The following SLC35F3 variants were observed in gnomAD, a reference collection of about 807,000 sequenced individuals.
The protein encoded by SLC35F3 is putative thiamine transporter SLC35F3.
A neutral mutation model predicts 49.9 loss-of-function variants in SLC35F3; 25 were observed. The ratio of observed to expected loss-of-function variants is 0.50; its 90% confidence interval spans 0.37 to 0.70. The LOEUF (loss-of-function observed/expected upper bound fraction) is 0.70. Among genes scored for constraint, SLC35F3 ranks in the 30% least tolerant of loss-of-function variants. The pLI is 0.00. For synonymous variants in SLC35F3, 275 were observed against 265.4 expected, an observed-to-expected ratio of 1.04 and a Z score of -0.35; for missense variants, 525 against 639.8, an observed-to-expected ratio of 0.82 and a Z score of 1.94.
At chr1:234,262,719 CAGAATGCG>C (rs1667924207) in intron 3 of SLC35F3, among the ~76,000 whole-genome samples, 1 of 152,218 alleles carries the variant, frequency 6.6e-6, no homozygotes, top group East Asian at 1.9e-4. Context: ...GGCACTGGTA[CAGAATGCG>C]GTTCCGGTTG....
At chr1:234,073,234 C>G (rs2102868785) in intron 2 of SLC35F3, among the ~76,000 whole-genome samples, 1 of 152,290 alleles carries the variant, frequency 6.6e-6, no homozygotes, top group South Asian at 2.1e-4. Flanking sequence ...GCCTTGAACT[C>G]CTGGGCTCAA....
chr1:234,312,156 C>T (rs904238443), intron 4 of SLC35F3, among the ~76,000 whole-genome samples: 2 of 152,158 alleles, frequency 1.3e-5, no homozygotes, highest in African/African-American at 2.4e-5. Flanking sequence ...GAACCCTGGG[C>T]GCACACTGCC....
At chr1:234,085,948 T>A (rs1399234314) in intron 2 of SLC35F3, among the ~76,000 whole-genome samples, 1 of 152,234 alleles carries the variant, frequency 6.6e-6, no homozygotes, top group African/African-American at 2.4e-5. Flanking sequence ...TTGAACTATA[T>A]ACCCTGTCTT....
chr1:233,951,955 A>G (rs1024692683), intron 2 of SLC35F3, among the ~76,000 whole-genome samples: 32 of 151,642 alleles, frequency 2.1e-4, no homozygotes, highest in Non-Finnish European at 2.6e-4. Flanking sequence ...GATTTCAATT[A>G]TATATATGTT....
intron 2 of SLC35F3, among the ~76,000 whole-genome samples, chr1:234,033,251 T>C (rs949890715): frequency 6.6e-6 from 1 of 152,236 alleles, no homozygotes; most frequent in Non-Finnish European, 1.5e-5. Context: ...AGATTCTGGA[T>C]ATTAGTCCTT....
At chr1:234,272,141 C>T (rs1274987365) in intron 3 of SLC35F3, among the ~76,000 whole-genome samples, 1 of 152,020 alleles carries the variant, frequency 6.6e-6, no homozygotes, top group Non-Finnish European at 1.5e-5. Context: ...AAGAAAGAAA[C>T]AAATGTGTGA....
Position 233,999,766 on chromosome 1 carries a change from G to A in SLC35F3, c.283+94008G>A, listed in dbSNP as rs563532360. Among the ~76,000 whole-genome samples the A allele has an allele frequency of 2.6e-5, 4 of 152,216 alleles. No individual in the cohort carries two copies. In the East Asian group the frequency reaches 7.7e-4, roughly 29 times the overall value. On this transcript the variant is annotated intron_variant, in intron 2 of 7. Transcript: ENST00000366618. The stretch of plus-strand genomic sequence containing the variant: ...TATTTTCTGTTTGTGCTACCTTACA[G>A]TGTATTTATTTGCATTAATTTCCTT...
intron 2 of SLC35F3, among the ~76,000 whole-genome samples, chr1:233,929,838 G>C (rs1417596652): frequency 2.6e-5 from 4 of 152,148 alleles, no homozygotes; most frequent in Non-Finnish European, 4.4e-5. Flanking sequence ...ACAGGGATTA[G>C]AATAAGTTTC....
chr1:234,080,669 C>G (rs1009318223), intron 2 of SLC35F3, among the ~76,000 whole-genome samples: 1 of 152,106 alleles, frequency 6.6e-6, no homozygotes, highest in African/African-American at 2.4e-5. Flanking sequence ...CACAAAACTA[C>G]AAAATGTACG....
chr1:234,201,008 T>G (rs1203899101), intron 2 of SLC35F3, among the ~76,000 whole-genome samples: 2 of 152,208 alleles, frequency 1.3e-5, no homozygotes, highest in African/African-American at 2.4e-5. Flanking sequence ...CCTCAGAAAG[T>G]CTATGCTCTT....
chr1:234,302,761 T>TTC (rs751342941), intron 3 of SLC35F3, among the ~76,000 whole-genome samples: 9 of 151,830 alleles, frequency 5.9e-5, no homozygotes, highest in African/African-American at 2.2e-4. Context: ...ATTGCAGGGC[T>TTC]TCTCTCTCTC....
At chr1:234,302,725 C>A (rs1038567000) in intron 3 of SLC35F3, among the ~76,000 whole-genome samples, 1 of 152,092 alleles carries the variant, frequency 6.6e-6, no homozygotes, top group Non-Finnish European at 1.5e-5. Context: ...TTTCGTCTGT[C>A]TGGGCTGTGG....
chr1:234,201,052 A>G (rs763444565), intron 2 of SLC35F3, among the ~76,000 whole-genome samples: 2 of 152,204 alleles, frequency 1.3e-5, no homozygotes, highest in Non-Finnish European at 2.9e-5. Context: ...GCAGGAGCAC[A>G]GTATATCATC....
At chr1:234,140,002 A>AATAAAAAAATAAAAAAAT in intron 2 of SLC35F3, among the ~76,000 whole-genome samples, 12 of 105,362 alleles carry the variant, frequency 1.1e-4, no homozygotes, top group Middle Eastern at 5.2e-3. Flanking sequence ...AATAAAATAA[A>AATAAAAAAATAAAAAAAT]GTAAGTGACT....
intron 3 of SLC35F3, among the ~76,000 whole-genome samples, chr1:234,286,626 G>A (rs1156377890): frequency 1.3e-5 from 2 of 152,234 alleles, no homozygotes; most frequent in East Asian, 3.8e-4. Context: ...AGACACAGGT[G>A]AGAGTCCATG....
At chr1:234,301,793 T>C (rs1668696701) in intron 3 of SLC35F3, among the ~76,000 whole-genome samples, 1 of 152,182 alleles carries the variant, frequency 6.6e-6, no homozygotes, top group Non-Finnish European at 1.5e-5. Flanking sequence ...CCAACCCAAA[T>C]GCCCATCAAT....
intron 3 of SLC35F3, among the ~76,000 whole-genome samples, chr1:234,280,026 A>G (rs1030841938): frequency 1.3e-5 from 2 of 152,208 alleles, no homozygotes; most frequent in East Asian, 1.9e-4. Context: ...TAAGTGACTC[A>G]TGGTTCAACT....
chr1:234,053,081 G>C (rs909122230), intron 2 of SLC35F3, among the ~76,000 whole-genome samples: 6 of 152,228 alleles, frequency 3.9e-5, no homozygotes, highest in African/African-American at 1.4e-4. Context: ...TATGGAATAA[G>C]TGTGATGTGG....
intron 2 of SLC35F3, among the ~76,000 whole-genome samples, chr1:234,171,409 G>A (rs73108452): frequency 0.11 from 17,391 of 152,152 alleles, 3,175 homozygotes; most frequent in African/African-American, 0.39. Context: ...CACAGTGGGG[G>A]CGATGTGATC....
Sources: gnomAD v4.1 joint callset for allele counts (sites outside exome capture counted in the v4.1 genomes callset) on GRCh38, gnomAD v4.1.1 for gene constraint, MANE v1.5 for transcripts, NCBI Gene and HGNC (gene_info 2026-07-23, HGNC 2026-07-21) for gene names.